The following CACNA2D4 variants were observed in gnomAD, a reference collection of about 807,000 sequenced individuals.
The protein encoded by CACNA2D4 is calcium voltage-gated channel auxiliary subunit alpha2delta 4.
CACNA2D4 carries 157 observed loss-of-function variants against 163.8 expected under a neutral mutation model. That is an observed-to-expected ratio of 0.96 (90% CI 0.84 to 1.09). The LOEUF (loss-of-function observed/expected upper bound fraction) is 1.09, where lower values mean the gene tolerates loss of function less well. CACNA2D4 is among the 50% of genes least tolerant of loss of function. The probability of loss-of-function intolerance (pLI) is 0.00; values close to 1 mark genes in which losing one functional copy is unlikely to be tolerated. For synonymous variants in CACNA2D4, 598 were observed against 586.9 expected (o/e 1.02, Z -0.27); for missense variants, 1,410 against 1,479.9 (o/e 0.95, Z 0.78).
At position 1,917,931 on chromosome 12, in the gene CACNA2D4, C is replaced by T. The variant is rs1199876646; in HGVS notation, c.227+316G>A. ...TCAGCGATTATCCTGAAGGAGCACC[C>T]GCCCTTCAGGTGTCCCAGAAGCTGC... On this transcript the variant is annotated intron_variant, in intron 1 of 37. Coordinates refer to ENST00000382722, the MANE Select transcript of CACNA2D4 (RefSeq NM_172364.5). The surrounding 1 kb of genome is among the most constrained non-coding windows in gnomAD (Gnocchi z 4.3). The T allele has an allele frequency of 9.9e-6, 3 of 303,994 alleles. No individual in the cohort carries two copies. Among genetic ancestry groups the T allele is most frequent in the Admixed American group, 5.6e-5 (1 of 17,800 alleles). The allele number at this position is 303,994 out of a possible 1,614,324, so 18.8% of individuals were successfully genotyped here. A position where few individuals can be genotyped will look rare whatever the true frequency, so the allele number is the denominator to read the frequency against.
chr12:1,804,121 CTGTGTGTGTGTGTGTGTGTG>C (rs57706301), intron 29 of CACNA2D4, among the ~76,000 whole-genome samples: 1 of 139,076 alleles, frequency 7.2e-6, no homozygotes, highest in Non-Finnish European at 1.6e-5. Context: ...ATTCTAGTTA[CTGTGTGTGTGTGTGTGTGTG>C]TGTGTGTGTG....
Position 1,806,295 on chromosome 12 carries a change from C to CA in CACNA2D4, c.2721+3982dup, listed in dbSNP as rs1252408842. 6.6e-6 allele frequency among the ~76,000 whole-genome samples: 1 copy of CA among 152,170 alleles called. No individual in the cohort carries two copies. The highest frequency in any genetic ancestry group is 2.4e-5 in the African/African-American group (1 of 41,426). On this transcript the variant is annotated intron_variant, in intron 29 of 37. Coordinates refer to ENST00000382722, the MANE Select transcript of CACNA2D4 (RefSeq NM_172364.5). This position sits in a 1 kb window ranked among gnomAD's most constrained non-coding sequence, Gnocchi z 4.1. ...GCTGTCTGCTTCTCTTTCTAGGCCC[C>CA]ACATCGAGGGTTGCAATCTTGTCAT...
At chr12:1,914,097 C>T (rs1305084875) in intron 2 of CACNA2D4, among the ~76,000 whole-genome samples, 1 of 152,174 alleles carries the variant, frequency 6.6e-6, no homozygotes, top group Non-Finnish European at 1.5e-5. Flanking sequence ...GGCCTGGGGG[C>T]TGTGGGCAGG....
chr12:1,869,494 G>C lies in CACNA2D4; in HGVS notation c.1878+5110C>G, dbSNP rs1001800673. On this transcript the variant is annotated intron_variant, in intron 18 of 37. Transcript: ENST00000382722. This position sits in a 1 kb window ranked among gnomAD's most constrained non-coding sequence, Gnocchi z 4.7. ...CTGCGGGTCATCTGCCATCCTGATG[G>C]GTAGAGTTGGTGAGTGACAGATGTG... Among the ~76,000 whole-genome samples the C allele has an allele frequency of 6.6e-6, 1 of 152,210 alleles. No individual in the cohort carries two copies. Among genetic ancestry groups the C allele is most frequent in the African/African-American group, 2.4e-5 (1 of 41,450 alleles).
intron 6 of CACNA2D4, among the ~76,000 whole-genome samples, chr12:1,888,216 G>T (rs1384176486): frequency 1.3e-5 from 2 of 152,174 alleles, no homozygotes; most frequent in African/African-American, 2.4e-5. Flanking sequence ...CCTTAGAACA[G>T]CAATGAGGAG....
At chr12:1,830,751 G>A (rs140806972) in intron 26 of CACNA2D4, among the ~76,000 whole-genome samples, 7 of 152,342 alleles carry the variant, frequency 4.6e-5, no homozygotes, top group Admixed American at 2.6e-4. Context: ...CCATTAATAT[G>A]GAAGTGGCTT....
At chr12:1,870,778 A>G (rs1358916656) in intron 18 of CACNA2D4, among the ~76,000 whole-genome samples, 1 of 152,036 alleles carries the variant, frequency 6.6e-6, no homozygotes, top group African/African-American at 2.4e-5. Context: ...GGGTCTGTGA[A>G]TTCTGTTAAC....
chr12:1,838,002 A>G (rs1451876563), intron 26 of CACNA2D4, among the ~76,000 whole-genome samples: 2 of 152,190 alleles, frequency 1.3e-5, no homozygotes, highest in South Asian at 4.1e-4. Context: ...GCTTGTGTAC[A>G]TTACAAGTCA....
rs113488307 is a variant in CACNA2D4, at chr12:1,826,310, T to A, written c.2551+14429A>T. Reference sequence around the variant, plus strand: ...TCATAGAAACTCCACCAAGCAGGTATTGCGGTCACCATTTCTAGACAGAAA... The same window carrying A: ...TCATAGAAACTCCACCAAGCAGGTAATGCGGTCACCATTTCTAGACAGAAA... On this transcript the variant is annotated intron_variant, in intron 26 of 37. Coordinates refer to ENST00000382722, the MANE Select transcript of CACNA2D4 (RefSeq NM_172364.5). 3.8e-3 allele frequency among the ~76,000 whole-genome samples: 578 copies of A among 152,194 alleles called. 3 individuals carry two copies. The highest frequency in any genetic ancestry group is 0.013 in the African/African-American group (539 of 41,480).
At chr12:1,830,914 C>A in intron 26 of CACNA2D4, 1 of 1,571,316 alleles carries the variant, frequency 6.4e-7, no homozygotes, top group Non-Finnish European at 8.7e-7. Flanking sequence ...TTTCTTTCCC[C>A]CGTCTGTCCC....
Position 1,828,599 on chromosome 12 carries a change from G to A in CACNA2D4, c.2551+12140C>T, listed in dbSNP as rs377165744. ...CTTGTCGGCCTGTGTCACAGACTGC[G>A]GCGAGCCCTTTTGCTCCCGTGGGGA... is the stretch of plus-strand genomic sequence containing the variant. On this transcript the variant is annotated intron_variant, in intron 26 of 37. Coordinates refer to ENST00000382722, the MANE Select transcript of CACNA2D4 (RefSeq NM_172364.5). This position sits in a 1 kb window ranked among gnomAD's most constrained non-coding sequence, Gnocchi z 4.2. 2.0e-4 allele frequency among the ~76,000 whole-genome samples: 30 copies of A among 152,196 alleles called. No individual in the cohort carries two copies. Among genetic ancestry groups the A allele is most frequent in the East Asian group, 3.9e-4 (2 of 5,194 alleles).
intron 29 of CACNA2D4, among the ~76,000 whole-genome samples, chr12:1,807,585 GC>G (rs1320189062): frequency 1.3e-4 from 19 of 151,980 alleles, no homozygotes; most frequent in Non-Finnish European, 5.9e-5. Context: ...CAGACTCTCC[GC>G]CGCCCTGTCT....
At chr12:1,870,198 T>C (rs1212215132) in intron 18 of CACNA2D4, among the ~76,000 whole-genome samples, 2 of 152,202 alleles carry the variant, frequency 1.3e-5, no homozygotes, top group African/African-American at 4.8e-5. Flanking sequence ...CTGTCCCTAC[T>C]ACACGTGCAA....
rs572200650 is a variant in CACNA2D4 at position 1,828,851 on chromosome 12, C to T, written c.2551+11888G>A. Among the ~76,000 whole-genome samples, 1 of 152,196 alleles carries T rather than the reference C, an allele frequency of 6.6e-6. No individual in the cohort carries two copies. The highest frequency in any genetic ancestry group is 1.5e-5 in the Non-Finnish European group (1 of 68,048). On this transcript the variant is annotated intron_variant, in intron 26 of 37. Transcript: ENST00000382722. The surrounding 1 kb of genome is among the most constrained non-coding windows in gnomAD (Gnocchi z 4.2). ...AAGCGTGAATGAAGGCAACACTTGG[C>T]AGCTGTCAGGGTGAAAGGAGCCCTG...
At chr12:1,904,495 C>T (rs927353586) in intron 6 of CACNA2D4, among the ~76,000 whole-genome samples, 5 of 151,666 alleles carry the variant, frequency 3.3e-5, no homozygotes, top group African/African-American at 4.8e-5. Flanking sequence ...AATATATATA[C>T]ACATACTATA....
intron 26 of CACNA2D4, chr12:1,822,107 GA>G (rs902487571): frequency 2.6e-5 from 4 of 152,088 alleles, no homozygotes; most frequent in African/African-American, 9.7e-5. Flanking sequence ...ACTGCCAAAA[GA>G]GGGAGACCAG....
chr12:1,897,359 C>A (rs1199211051), intron 6 of CACNA2D4, among the ~76,000 whole-genome samples: 2 of 152,132 alleles, frequency 1.3e-5, no homozygotes, highest in South Asian at 2.1e-4. Flanking sequence ...GTATATTTCA[C>A]AATAGTTAGA....
At chr12:1,896,807 C>T (rs928866734) in intron 6 of CACNA2D4, among the ~76,000 whole-genome samples, 1 of 152,048 alleles carries the variant, frequency 6.6e-6, no homozygotes, top group Non-Finnish European at 1.5e-5. Flanking sequence ...AGAATTTATC[C>T]AAAGGGAAAG....
chr12:1,908,140 C>T lies in CACNA2D4; in HGVS notation c.487-103G>A, dbSNP rs935065711. 22 of 1,233,492 alleles carry T rather than the reference C, an allele frequency of 1.8e-5. 1 individual carries two copies. Among genetic ancestry groups the T allele is most frequent in the South Asian group, 1.7e-4 (11 of 63,642 alleles). The allele number at this position is 1,233,492 out of a possible 1,614,324, so 76.4% of individuals were successfully genotyped here. ...GGTGAGAGGACGAGAGGGCCGGGGC[C>T]GGGCGGCCATCAGAGTCTACACAAG... On this transcript the variant is annotated intron_variant, in intron 4 of 37. Transcript: ENST00000382722.
Sources: gnomAD v4.1 joint callset for allele counts (sites outside exome capture counted in the v4.1 genomes callset) on GRCh38, gnomAD v4.1.1 for gene constraint, Gnocchi (gnomAD v3.1) non-coding constraint, MANE v1.5 for transcripts, NCBI Gene and HGNC (gene_info 2026-07-23, HGNC 2026-07-21) for gene names.